Variants in GSPT1 observed in about 807,000 individuals in gnomAD.
GSPT1 encodes the protein eukaryotic peptide chain release factor GTP-binding subunit ERF3A.
In GSPT1, 20 loss-of-function variants were observed where a neutral mutation model predicts 72.5. That is an observed-to-expected ratio of 0.28 (90% CI 0.19 to 0.40). GSPT1 has a LOEUF of 0.40. GSPT1 is among the 10% of genes least tolerant of loss of function. GSPT1 has a pLI of 1.00. For synonymous variants in GSPT1, 334 were observed against 293.5 expected (o/e 1.14, Z -1.41); for missense variants, 580 against 811.9 (o/e 0.71, Z 3.47).
chr16:11,893,167 G>A (rs1376828615), intron 5 of GSPT1, among the ~76,000 whole-genome samples: 1 of 152,070 alleles, frequency 6.6e-6, no homozygotes, highest in Non-Finnish European at 1.5e-5. Context: ...GGCTGAGGTA[G>A]GAGGATCAGT....
At chr16:11,878,501 G>A (rs981112249) in intron 11 of GSPT1, among the ~76,000 whole-genome samples, 5 of 151,336 alleles carry the variant, frequency 3.3e-5, no homozygotes, top group Non-Finnish European at 7.4e-5. Flanking sequence ...GCTGAGGCAT[G>A]AGGACTGCTT....
chr16:11,878,594 TAAA>T (rs71136693), intron 11 of GSPT1, among the ~76,000 whole-genome samples: 35 of 130,982 alleles, frequency 2.7e-4, no homozygotes, highest in Admixed American at 3.9e-4. Context: ...ACCCTGTCTT[TAAA>T]AAAAAAAAAA....
intron 1 of GSPT1, among the ~76,000 whole-genome samples, chr16:11,907,374 G>A (rs1346254724): frequency 6.6e-6 from 1 of 152,152 alleles, no homozygotes. Context: ...GCTTTACTGA[G>A]CCTTTATTTT....
At chr16:11,903,952 C>T in intron 1 of GSPT1, 1 of 193,298 alleles carries the variant, frequency 5.2e-6, no homozygotes. Context: ...ACCAGCCTTC[C>T]TCATCTGCTC....
chr16:11,892,551 G>A (rs1254489979), intron 5 of GSPT1, among the ~76,000 whole-genome samples: 17 of 132,336 alleles, frequency 1.3e-4, no homozygotes, highest in Non-Finnish European at 2.3e-4. Context: ...AAAAATGGCC[G>A]GGCACGGTGG....
intron 1 of GSPT1, among the ~76,000 whole-genome samples, chr16:11,906,145 A>G (rs1420417641): frequency 6.6e-6 from 1 of 151,888 alleles, no homozygotes; most frequent in African/African-American, 2.4e-5. Context: ...GCAGTGGCAC[A>G]ATCTGGGCTC....
chr16:11,874,387 G>C (rs1283697456), intron 14 of GSPT1, among the ~76,000 whole-genome samples: 1 of 146,328 alleles, frequency 6.8e-6, no homozygotes, highest in East Asian at 2.0e-4. Context: ...CCTTCTGGTA[G>C]TAATCCTGTG....
chr16:11,902,609 A>G (rs760779343), intron 1 of GSPT1, among the ~76,000 whole-genome samples: 1 of 149,492 alleles, frequency 6.7e-6, no homozygotes, highest in Non-Finnish European at 1.5e-5. Context: ...TTTTTAAGAG[A>G]TGGAGTCTCG....
Position 11,869,738 on chromosome 16 carries a change from T to C in GSPT1, c.*3381A>G, listed in dbSNP as rs954295019. ...AGTAAGAAAAGGTGCTAGAGTGCTGTTATGTGTAATAGTCATCAAAGATCA... is the reference window on the plus strand; with the variant it reads ...AGTAAGAAAAGGTGCTAGAGTGCTGCTATGTGTAATAGTCATCAAAGATCA... On this transcript the variant is annotated 3_prime_UTR_variant, in exon 15 of 15. Coordinates refer to ENST00000434724, the MANE Select transcript of GSPT1 (RefSeq NM_002094.4). The C allele has an allele frequency of 2.6e-5, 4 of 152,210 alleles. No individual in the cohort carries two copies. The highest frequency in any genetic ancestry group is 5.9e-5 in the Non-Finnish European group (4 of 68,044). 9.4% of individuals were successfully genotyped at this position (152,210 alleles called of 1,614,324 possible).
chr16:11,906,517 C>T (rs368943293), intron 1 of GSPT1, among the ~76,000 whole-genome samples: 1 of 152,028 alleles, frequency 6.6e-6, no homozygotes, highest in African/African-American at 2.4e-5. Flanking sequence ...AACTGTAGTC[C>T]CAGCTATTTA....
In GSPT1 at chr16:11,871,043, G is replaced by C. The variant is rs1199973776; in HGVS notation, c.*2076C>G. ...AATATTCATTAAAATTCAAGCAATT[G>C]CTAGTATTTGTTTTTATTAACATGG... is the stretch of plus-strand genomic sequence containing the variant. On this transcript the variant is annotated 3_prime_UTR_variant, in exon 15 of 15. Transcript: ENST00000434724. 6.6e-6 allele frequency: 1 copy of C among 152,058 alleles called. No individual in the cohort carries two copies. Among genetic ancestry groups the C allele is most frequent in the African/African-American group, 2.4e-5 (1 of 41,394 alleles). The allele number at this position is 152,058 out of a possible 1,614,324, so 9.4% of individuals were successfully genotyped here. A position where few individuals can be genotyped will look rare whatever the true frequency, so the allele number is the denominator to read the frequency against.
intron 12 of GSPT1, among the ~76,000 whole-genome samples, chr16:11,876,668 C>T (rs565390947): frequency 3.9e-5 from 6 of 152,004 alleles, no homozygotes; most frequent in African/African-American, 7.2e-5. Context: ...GCTTGAATCC[C>T]GGAGGTGGAG....
chr16:11,911,401 T>A (rs1326262240), intron 1 of GSPT1, among the ~76,000 whole-genome samples: 1 of 152,158 alleles, frequency 6.6e-6, no homozygotes, highest in Non-Finnish European at 1.5e-5. Flanking sequence ...TTTACTTTTC[T>A]TTTTGGACAG....
intron 1 of GSPT1, among the ~76,000 whole-genome samples, chr16:11,914,387 G>C (rs1291174756): frequency 6.6e-6 from 1 of 152,134 alleles, no homozygotes; most frequent in African/African-American, 2.4e-5. Context: ...TGCTACCTAC[G>C]ACTTAAGCAA....
At chr16:11,895,811 G>C (rs1337868361) in intron 4 of GSPT1, among the ~76,000 whole-genome samples, 1 of 152,164 alleles carries the variant, frequency 6.6e-6, no homozygotes, top group Non-Finnish European at 1.5e-5. Flanking sequence ...ATTTTTAGTA[G>C]AGACGGGGTT....
intron 1 of GSPT1, among the ~76,000 whole-genome samples, chr16:11,900,216 C>G (rs2054388297): frequency 6.6e-6 from 1 of 151,754 alleles, no homozygotes; most frequent in Non-Finnish European, 1.5e-5. Context: ...ACCTGTAATC[C>G]CAGCTACTCG....
intron 14 of GSPT1, among the ~76,000 whole-genome samples, chr16:11,874,987 C>T (rs979262840): frequency 9.9e-5 from 15 of 152,130 alleles, no homozygotes; most frequent in African/African-American, 2.2e-4. Context: ...GTCAGGAGAT[C>T]AAGACCATCC....
chr16:11,911,742 A>G (rs1416585769), intron 1 of GSPT1, among the ~76,000 whole-genome samples: 1 of 150,530 alleles, frequency 6.6e-6, no homozygotes, highest in African/African-American at 2.4e-5. Context: ...TAATAGAGAC[A>G]GGTTTCGCCA....
In GSPT1 at chr16:11,874,867, A is replaced by G. The variant is rs375873580; in HGVS notation, c.1861+894T>C. ...TATAAAGTTTTATGTAAAGTCTTCT[A>G]TAGTCTTAAAATGGTTATCTAAGTT... On this transcript the variant is annotated intron_variant, in intron 14 of 14. Coordinates refer to ENST00000434724, the MANE Select transcript of GSPT1 (RefSeq NM_002094.4). Among the ~76,000 whole-genome samples, 4 of 152,192 alleles carry G rather than the reference A, an allele frequency of 2.6e-5. No homozygotes were observed. The East Asian group carries it at 5.8e-4, about 22-fold the overall frequency.
Sources: allele counts gnomAD v4.1 joint callset (sites outside exome capture counted in the v4.1 genomes callset), GRCh38; gene constraint gnomAD v4.1.1; transcripts MANE v1.5; gene names NCBI Gene and HGNC (gene_info 2026-07-23, HGNC 2026-07-21).